ASRGL1: variants seen among roughly 807,000 people sequenced by gnomAD.
ASRGL1 encodes the protein asparaginase and isoaspartyl peptidase 1.
A neutral mutation model predicts 22.4 loss-of-function variants in ASRGL1; 16 were observed. That is an observed-to-expected ratio of 0.71 (90% CI 0.48 to 1.08). ASRGL1 has a LOEUF of 1.08. ASRGL1 is among the 50% of genes least tolerant of loss of function. The pLI is 0.00. For synonymous variants in ASRGL1, 165 were observed against 159.3 expected, an observed-to-expected ratio of 1.04 and a Z score of -0.27; for missense variants, 412 against 410.1, an observed-to-expected ratio of 1.00 and a Z score of -0.04.
chr11:62,359,288 A>G (rs11231043), intron 4 of ASRGL1, among the ~76,000 whole-genome samples: 6,360 of 152,206 alleles, frequency 0.042, 471 homozygotes, highest in African/African-American at 0.15. Flanking sequence ...TCTACTAAAA[A>G]TACAAAAATC....
chr11:62,356,861 C>A, intron 3 of ASRGL1, 126 bp from the exon 4 acceptor site: 1 of 1,213,248 alleles, frequency 8.2e-7, no homozygotes, highest in Admixed American at 3.1e-5. Flanking sequence ...AAAAGCAAAC[C>A]ACTGGAATTT....
intron 4 of ASRGL1, among the ~76,000 whole-genome samples, chr11:62,385,497 G>C (rs1730311026): frequency 6.6e-6 from 1 of 152,114 alleles, no homozygotes; most frequent in Non-Finnish European, 1.5e-5. Context: ...GTTATGTTCT[G>C]CTGTAAATAA....
In ASRGL1 at chr11:62,389,251, G is replaced by A. The variant is rs760638314; in HGVS notation, c.610G>A (p.Gly204Arg). 1 of 1,612,748 alleles carries A rather than the reference G, an allele frequency of 6.2e-7. No individual in the cohort carries two copies. The highest frequency in any genetic ancestry group is 8.5e-7 in the Non-Finnish European group (1 of 1,178,796). Residue 204 changes from glycine (G) to arginine (R), a missense_variant and splice_region_variant, in exon 5 of 7, where the codon GGA (glycine) becomes AGA (arginine). By Grantham distance (125) the Gly-to-Arg change is moderately radical. Coordinates refer to ENST00000415229, the MANE Select transcript of ASRGL1 (RefSeq NM_001083926.2). ...CCGCGTTGGGGACTCACCGTGTCTA[G>A]GTAGGACCAAGGGATGCCTCCTGCC... ...VGRVGDSPCL[G>R]AGGYADNDIG...
chr11:62,350,550 C>T (rs536847503), intron 2 of ASRGL1, among the ~76,000 whole-genome samples: 5 of 152,340 alleles, frequency 3.3e-5, no homozygotes, highest in African/African-American at 1.2e-4. Context: ...AATGCCAGCA[C>T]TTTGGGAGGC....
intron 4 of ASRGL1, among the ~76,000 whole-genome samples, chr11:62,359,287 A>T (rs1046931460): frequency 6.6e-6 from 1 of 152,120 alleles, no homozygotes; most frequent in Admixed American, 6.6e-5. Flanking sequence ...CTCTACTAAA[A>T]ATACAAAAAT....
At position 62,391,748 on chromosome 11, in the gene ASRGL1, GC is replaced by G. The variant is rs1227360187; in HGVS notation, c.721+117del. The stretch of plus-strand genomic sequence containing the variant: ...CCCTTTCCTGTTGGCTACAGATGTT[GC>G]TTTCAGGCCGTTAACACCTTGTTTT... On this transcript the variant is annotated intron_variant, in intron 6 of 6. Transcript: ENST00000415229. 15 of 1,342,132 alleles carry G rather than the reference GC, an allele frequency of 1.1e-5. No homozygotes were observed. The Admixed American group carries it at 2.9e-4, about 26-fold the overall frequency. The allele number at this position is 1,342,132 out of a possible 1,614,324, so 83.1% of individuals were successfully genotyped here.
At chr11:62,362,562 T>A (rs866461237) in intron 4 of ASRGL1, among the ~76,000 whole-genome samples, 961 of 24,008 alleles carry the variant, frequency 0.04, 20 homozygotes, top group East Asian at 0.049. Flanking sequence ...CATATATTAT[T>A]TATATAATAT....
chr11:62,357,257 T>TTGTTTTGTTC, intron 4 of ASRGL1, 113 bp downstream of exon 4: 1 of 1,242,728 alleles, frequency 8.0e-7, no homozygotes, highest in Non-Finnish European at 1.1e-6. Context: ...TTGTTTTGTT[T>TTGTTTTGTTC]TGTTTTGTTT....
intron 4 of ASRGL1, chr11:62,372,882 G>C: frequency 2.5e-6 from 4 of 1,600,330 alleles, no homozygotes; most frequent in Non-Finnish European, 3.4e-6. Context: ...AGCAGTGCAG[G>C]ACCTCTGCAG....
Position 62,365,087 on chromosome 11 carries a change from G to GA in ASRGL1, c.491+7946dup, listed in dbSNP as rs1946578592. ...CATCTCAAAAAAAAAAAAAAAGAAA[G>GA]AAACATTGAATACATAGAAACAATG... On this transcript the variant is annotated intron_variant, in intron 4 of 6. Transcript: ENST00000415229. Among the ~76,000 whole-genome samples the GA allele has an allele frequency of 2.0e-5, 3 of 150,516 alleles. No homozygotes were observed. In the South Asian group the frequency reaches 6.3e-4, roughly 32 times the overall value.
In ASRGL1 at chr11:62,356,984, C is replaced by G; in HGVS notation, c.334-3C>G. 6.3e-7 allele frequency: 1 copy of G among 1,587,056 alleles called. No individual in the cohort carries two copies. The stretch of plus-strand genomic sequence containing the variant: ...ATCATTTTCTCTTTTCTTTCTGGCT[C>G]AGACACCTCATTGCTTTCTGACTGA... On this transcript the variant is annotated splice_polypyrimidine_tract_variant and splice_region_variant and intron_variant, in intron 3 of 6. Transcript: ENST00000415229.
intron 2 of ASRGL1, among the ~76,000 whole-genome samples, chr11:62,346,933 G>T (rs943634977): frequency 6.7e-6 from 1 of 149,810 alleles, no homozygotes; most frequent in African/African-American, 2.5e-5. Flanking sequence ...TGGCACCACT[G>T]CACTCCAGCC....
chr11:62,356,977 T>G lies in ASRGL1; in HGVS notation c.334-10T>G. 1 of 1,570,876 alleles carries G rather than the reference T, an allele frequency of 6.4e-7. No homozygotes were observed. Among genetic ancestry groups the G allele is most frequent in the Non-Finnish European group, 8.6e-7 (1 of 1,165,870 alleles). ...AAAAACAATCATTTTCTCTTTTCTT[T>G]CTGGCTCAGACACCTCATTGCTTTC... On this transcript the variant is annotated splice_polypyrimidine_tract_variant and intron_variant, in intron 3 of 6. Coordinates refer to ENST00000415229, the MANE Select transcript of ASRGL1 (RefSeq NM_001083926.2).
At chr11:62,356,172 G>T (rs994575742) in intron 2 of ASRGL1, among the ~76,000 whole-genome samples, 153 bp from the exon 3 acceptor site, 1 of 152,136 alleles carries the variant, frequency 6.6e-6, no homozygotes, top group Non-Finnish European at 1.5e-5. Flanking sequence ...GGGGCAGAGG[G>T]GCTCCTCACT....
chr11:62,377,363 T>C (rs1946956458), intron 4 of ASRGL1, among the ~76,000 whole-genome samples: 1 of 152,196 alleles, frequency 6.6e-6, no homozygotes, highest in African/African-American at 2.4e-5. Flanking sequence ...TCAACATCCC[T>C]TGTAGCCTGT....
At chr11:62,377,378 C>T (rs937362064) in intron 4 of ASRGL1, among the ~76,000 whole-genome samples, 2 of 152,190 alleles carry the variant, frequency 1.3e-5, no homozygotes, top group African/African-American at 2.4e-5. Flanking sequence ...GCCTGTACTA[C>T]ATATGCAGAA....
intron 4 of ASRGL1, among the ~76,000 whole-genome samples, chr11:62,373,724 C>T (rs923721351): frequency 6.6e-6 from 1 of 152,248 alleles, no homozygotes; most frequent in African/African-American, 2.4e-5. Flanking sequence ...GGTGTCAGTT[C>T]TGTTTCTCCT....
intron 4 of ASRGL1, among the ~76,000 whole-genome samples, chr11:62,384,049 T>C (rs1565173714): frequency 6.6e-6 from 1 of 151,972 alleles, no homozygotes; most frequent in Non-Finnish European, 1.5e-5. Context: ...TGTGTGTGTG[T>C]GTGTTTGCCA....
chr11:62,371,500 T>C lies in ASRGL1; in HGVS notation c.491+14356T>C, dbSNP rs564875589. On this transcript the variant is annotated intron_variant, in intron 4 of 6. Coordinates refer to ENST00000415229, the MANE Select transcript of ASRGL1 (RefSeq NM_001083926.2). ...GGCTGTGCTTTGTTAAAAAAGCGCT[T>C]GAAGGCAGTATGCTTGGTAAAAGTC... 1.2e-5 allele frequency: 8 copies of C among 666,276 alleles called. No individual in the cohort carries two copies. The South Asian group carries it at 1.3e-4, about 11-fold the overall frequency. 41.3% of individuals were successfully genotyped at this position (666,276 alleles called of 1,614,324 possible). A position where few individuals can be genotyped will look rare whatever the true frequency, so the allele number is the denominator to read the frequency against.
Sources: allele counts gnomAD v4.1 joint callset (sites outside exome capture counted in the v4.1 genomes callset), GRCh38; gene constraint gnomAD v4.1.1; transcripts MANE v1.5; gene names NCBI Gene and HGNC (gene_info 2026-07-23, HGNC 2026-07-21).